ABCC1: variants seen among roughly 807,000 people sequenced by gnomAD.
The protein encoded by ABCC1 is ATP binding cassette subfamily C member 1 (ABCC1 blood group).
Under a neutral mutation model 172.9 loss-of-function variants are expected in ABCC1, and 83 were observed. That is an observed-to-expected ratio of 0.48 (90% CI 0.40 to 0.58). ABCC1 has a LOEUF of 0.58. Among genes scored for constraint, ABCC1 ranks in the 20% least tolerant of loss-of-function variants. The pLI, the probability that ABCC1 is intolerant of heterozygous loss-of-function variation, is 0.00. For synonymous variants in ABCC1, 937 were observed against 825.2 expected, an observed-to-expected ratio of 1.14 and a Z score of -2.32; for missense variants, 1,817 against 2,002.7, an observed-to-expected ratio of 0.91 and a Z score of 1.77.
At chr16:16,055,636 ATCCCTTC>A (rs1211725034) in intron 11 of ABCC1, among the ~76,000 whole-genome samples, 3 of 152,108 alleles carry the variant, frequency 2.0e-5, no homozygotes. Flanking sequence ...TAGGGACTGA[ATCCCTTC>A]TTTTCTGTAC....
intron 1 of ABCC1, among the ~76,000 whole-genome samples, chr16:15,980,703 A>G (rs1291587471): frequency 2.0e-5 from 3 of 152,184 alleles, no homozygotes; most frequent in South Asian, 4.1e-4. Flanking sequence ...GCTGAACCAT[A>G]TAATTCCATG....
rs45511401 is a variant in ABCC1 at position 16,079,375 on chromosome 16, G to T, written c.2012G>T (p.Gly671Val). 75,188 of 1,613,958 alleles carry T rather than the reference G, an allele frequency of 0.047. 1,957 individuals are homozygous for T. The highest frequency in any genetic ancestry group is 0.054 in the Non-Finnish European group (63,917 of 1,179,894). The change falls in exon 16 of 31, where the codon GGT (glycine) becomes GTT (valine). Residue 671 changes from glycine to valine, a missense_variant. Transcript: ENST00000399410. ...LNGITFSIPE[G>V]ALVAVVGQVG... is the part of the protein sequence containing the mutation. ...AGCATCACCTTCTCCATCCCCGAAG[G>T]TGCTTTGGTGGCCGTGGTGGGCCAG... is the stretch of plus-strand genomic sequence containing the variant.
chr16:16,107,103 G>C (rs959620546), intron 21 of ABCC1, among the ~76,000 whole-genome samples: 2 of 152,076 alleles, frequency 1.3e-5, no homozygotes, highest in African/African-American at 4.8e-5. Context: ...GCCAACTCCA[G>C]GGTTAGTACT....
At chr16:15,974,776 T>C (rs1013196078) in intron 1 of ABCC1, among the ~76,000 whole-genome samples, 3 of 152,044 alleles carry the variant, frequency 2.0e-5, no homozygotes, top group African/African-American at 4.8e-5. Flanking sequence ...TAATAATAGC[T>C]TCTAGTTTCT....
At chr16:16,050,505 G>A (rs1367038659) in intron 10 of ABCC1, among the ~76,000 whole-genome samples, 2 of 145,490 alleles carry the variant, frequency 1.4e-5, no homozygotes, top group African/African-American at 2.8e-5. Context: ...TTATTTGGCT[G>A]TAGTTTGGTT....
chr16:16,068,518 C>G (rs1166477621), intron 13 of ABCC1, among the ~76,000 whole-genome samples: 1 of 152,208 alleles, frequency 6.6e-6, no homozygotes, highest in Non-Finnish European at 1.5e-5. Context: ...GTATATGAAT[C>G]AAGTTTAATG....
chr16:16,036,700 T>TG, intron 7 of ABCC1, 97 bp downstream of exon 7: 2 of 1,339,246 alleles, frequency 1.5e-6, no homozygotes, highest in Admixed American at 4.1e-5. Context: ...GTGCTGCCTG[T>TG]TACTAGCTTT....
At chr16:15,949,343 TG>T (rs1490951688), upstream of ABCC1, among the ~76,000 whole-genome samples, 1 of 151,850 alleles carries the variant, frequency 6.6e-6, no homozygotes, top group African/African-American at 2.4e-5. Context: ...GCAGGGTGTG[TG>T]GCCCCAAAGA....
chr16:16,086,746 C>T, intron 17 of ABCC1, 78 bp from the exon 18 acceptor site: 2 of 1,539,018 alleles, frequency 1.3e-6, no homozygotes, highest in Non-Finnish European at 1.8e-6. Flanking sequence ...TGGGATCACA[C>T]CACACTCGGC....
chr16:16,100,221 G>A (rs1452784778), intron 19 of ABCC1, among the ~76,000 whole-genome samples: 1 of 152,174 alleles, frequency 6.6e-6, no homozygotes, highest in Non-Finnish European at 1.5e-5. Context: ...CTAATTGGTG[G>A]GTTGAGAGGG....
At position 16,068,110 on chromosome 16, in the gene ABCC1, C is replaced by T. The variant is rs760861886; in HGVS notation, c.1678-46C>T. On this transcript the variant is annotated intron_variant, in intron 12 of 30. Transcript: ENST00000399410. ...CCTGTCACTGCTCCTAGGATGATGACTCTCACTCGGGGCACAGCAGTCAGC... is the reference window on the plus strand; with the variant it reads ...CCTGTCACTGCTCCTAGGATGATGATTCTCACTCGGGGCACAGCAGTCAGC... 20 of 1,610,912 alleles carry T rather than the reference C, an allele frequency of 1.2e-5. 1 individual carries two copies. The Middle Eastern group carries it at 5.0e-4, about 40-fold the overall frequency.
chr16:16,089,230 C>G lies in ABCC1; in HGVS notation c.2461-1175C>G, dbSNP rs3851711. Among the ~76,000 whole-genome samples the G allele has an allele frequency of 5.5e-3, 839 of 152,040 alleles. 21 individuals are homozygous for G. The highest frequency in any genetic ancestry group is 0.043 in the Admixed American group (650 of 15,274). On this transcript the variant is annotated intron_variant, in intron 18 of 30. Coordinates refer to ENST00000399410, the MANE Select transcript of ABCC1 (RefSeq NM_004996.4). ...TTGTAGTGGTTTTGGGGGTGGCTGA[C>G]AGCGGGAGTTGTTTTAGAAAAAAAT...
chr16:16,086,962 A>G lies in ABCC1; in HGVS notation c.2431A>G (p.Ile811Val). 6.2e-7 allele frequency: 1 copy of G among 1,614,168 alleles called. No individual in the cohort carries two copies. The highest frequency in any genetic ancestry group is 8.5e-7 in the Non-Finnish European group (1 of 1,180,040). ...HVGKHIFENV[I>V]GPKGMLKNKT... ...GGGAAAACACATCTTTGAAAATGTG[A>G]TTGGCCCCAAGGGGATGCTGAAGAA... The change falls in exon 18 of 31, where the codon ATT (isoleucine) becomes GTT (valine). Residue 811 changes from isoleucine to valine, a missense_variant. Ile to Val is a conservative substitution (Grantham distance 29, BLOSUM62 3). Coordinates refer to ENST00000399410, the MANE Select transcript of ABCC1 (RefSeq NM_004996.4).
intron 1 of ABCC1, among the ~76,000 whole-genome samples, chr16:15,982,855 A>C (rs1489545183): frequency 6.8e-6 from 1 of 146,304 alleles, no homozygotes; most frequent in East Asian, 2.1e-4. Context: ...TGTGCTGTAC[A>C]AAAGCAGGCA....
At chr16:16,045,137 C>T (rs191316726) in intron 8 of ABCC1, among the ~76,000 whole-genome samples, 50 of 152,136 alleles carry the variant, frequency 3.3e-4, no homozygotes, top group African/African-American at 1.2e-3. Context: ...CGCAGTGGCT[C>T]ATGCCTATAA....
At chr16:16,104,268 A>G (rs1001735076) in intron 20 of ABCC1, among the ~76,000 whole-genome samples, 2 of 152,110 alleles carry the variant, frequency 1.3e-5, no homozygotes, top group Non-Finnish European at 2.9e-5. Context: ...TTATTCTCTT[A>G]TCTGGCCCTA....
intron 14 of ABCC1, among the ~76,000 whole-genome samples, chr16:16,075,476 A>G (rs1339861872): frequency 6.6e-6 from 1 of 151,908 alleles, no homozygotes; most frequent in Non-Finnish European, 1.5e-5. Context: ...AATACAAAAA[A>G]AAAATTAGCT....
At chr16:16,017,588 A>T (rs1043996801) in intron 5 of ABCC1, among the ~76,000 whole-genome samples, 4 of 152,052 alleles carry the variant, frequency 2.6e-5, no homozygotes, top group African/African-American at 9.7e-5. Context: ...AACTTGGCTT[A>T]CTTTTAATTA....
chr16:16,079,567 C>T, intron 16 of ABCC1, 89 bp downstream of exon 16: 2 of 1,489,338 alleles, frequency 1.3e-6, no homozygotes, highest in South Asian at 2.6e-5. Flanking sequence ...TTGACTGTCC[C>T]TGTGCCAGAA....
Sources: allele counts gnomAD v4.1 joint callset (sites outside exome capture counted in the v4.1 genomes callset), GRCh38; gene constraint gnomAD v4.1.1; transcripts MANE v1.5; gene names NCBI Gene and HGNC (gene_info 2026-07-23, HGNC 2026-07-21).